Variants in POGZ observed in about 807,000 individuals in gnomAD.
POGZ encodes the protein pogo transposable element derived with ZNF domain, also known as pogo transposable element with ZNF domain.
Under a neutral mutation model 134.6 loss-of-function variants are expected in POGZ, and 17 were observed. That is an observed-to-expected ratio of 0.13 (90% CI 0.09 to 0.19). The LOEUF (loss-of-function observed/expected upper bound fraction) is 0.19. POGZ is among the 10% of genes least tolerant of loss of function. The probability of loss-of-function intolerance (pLI) is 1.00; values close to 1 mark genes in which losing one functional copy is unlikely to be tolerated. For synonymous variants in POGZ, 693 were observed against 657.1 expected, an observed-to-expected ratio of 1.05 and a Z score of -0.84; for missense variants, 1,306 against 1,769.7, an observed-to-expected ratio of 0.74 and a Z score of 4.70.
chr1:151,458,861 C>G (rs986772020), intron 1 of POGZ, among the ~76,000 whole-genome samples: 3 of 145,656 alleles, frequency 2.1e-5, no homozygotes, highest in African/African-American at 7.4e-5. Context: ...GGCCGGCCAG[C>G]CGGCAGGCAG....
intron 1 of POGZ, among the ~76,000 whole-genome samples, chr1:151,458,777 C>T (rs1440765346): frequency 1.4e-5 from 2 of 144,992 alleles, no homozygotes; most frequent in African/African-American, 2.5e-5. Flanking sequence ...TGCGTGTGGA[C>T]GTCGGGCTGT....
chr1:151,440,400 A>T (rs1660339928), intron 3 of POGZ, among the ~76,000 whole-genome samples: 1 of 152,130 alleles, frequency 6.6e-6, no homozygotes, highest in Non-Finnish European at 1.5e-5. Flanking sequence ...TTAGAAATTA[A>T]ATAGAAACCA....
chr1:151,422,117 T>G (rs1657015775), intron 10 of POGZ, among the ~76,000 whole-genome samples: 1 of 152,212 alleles, frequency 6.6e-6, no homozygotes, highest in Non-Finnish European at 1.5e-5. Context: ...AATATGCATA[T>G]GTCTTCTATG....
chr1:151,431,016 G>C (rs1658609354), intron 3 of POGZ, among the ~76,000 whole-genome samples, 175 bp from the exon 4 acceptor site: 1 of 151,848 alleles, frequency 6.6e-6, no homozygotes, highest in Admixed American at 6.6e-5. Flanking sequence ...GCTCACTGCA[G>C]CCTCAAGTTC....
At position 151,408,420 on chromosome 1, in the gene POGZ, A is replaced by G; in HGVS notation, c.2223T>C (p.Ala741=). 1 of 1,590,052 alleles carries G rather than the reference A, an allele frequency of 6.3e-7. No homozygotes were observed. The highest frequency in any genetic ancestry group is 8.5e-7 in the Non-Finnish European group (1 of 1,173,704). The change falls in exon 14 of 19, where the codon GCT becomes GCC. Residue 741 remains alanine, a synonymous_variant. Transcript: ENST00000271715. ...AAGAAGGCGCTGACATTTTCCTAAC[A>G]GCTCTCTTCTGGATGCTGCGCTGGA... ...PPVQRSIQKR[A]VRKMSVMGRQ...
In POGZ at chr1:151,408,598, G is replaced by T; in HGVS notation, c.2062-17C>A. On this transcript the variant is annotated splice_polypyrimidine_tract_variant and intron_variant, in intron 13 of 18. Transcript: ENST00000271715. ...GATTGTCACCTGAGAACCAAGGGAA[G>T]TAACAATGAGACATCACCCACACTA... 6.2e-7 allele frequency: 1 copy of T among 1,610,280 alleles called. No homozygotes were observed. Among genetic ancestry groups the T allele is most frequent in the African/African-American group, 1.3e-5 (1 of 74,636 alleles).
chr1:151,416,838 G>A (rs1053728538), intron 10 of POGZ, among the ~76,000 whole-genome samples: 1 of 151,878 alleles, frequency 6.6e-6, no homozygotes, highest in Non-Finnish European at 1.5e-5. Context: ...CACTATATTC[G>A]CCAGGCTGTT....
At position 151,404,999 on chromosome 1, in the gene POGZ, G is replaced by C; in HGVS notation, c.4036C>G (p.Gln1346Glu). ...INSPTRNADM[Q>E]EELIASLEEQ... ...TCTAGGGAGGCAATTAGCTCCTCCT[G>C]CATGTCAGCATTTCTTGTAGGTGAG... is the stretch of plus-strand genomic sequence containing the variant. Residue 1346 changes from glutamine to glutamate, a missense_variant, in exon 19 of 19, where the codon CAG (glutamine) becomes GAG (glutamate). Gln to Glu is a conservative substitution (Grantham distance 29). Around this residue, in one of 10 missense-constraint regions of POGZ, gnomAD observed 107 missense variants for 97.9 expected, o/e 1.09. Transcript: ENST00000271715. The C allele has an allele frequency of 6.2e-7, 1 of 1,614,158 alleles. No homozygotes were observed. The highest frequency in any genetic ancestry group is 8.5e-7 in the Non-Finnish European group (1 of 1,180,030).
Position 151,423,674 on chromosome 1 carries a change from T to G in POGZ, c.1524-123A>C, listed in dbSNP as rs1322397005. 5.1e-6 allele frequency: 4 copies of G among 783,938 alleles called. No homozygotes were observed. In the East Asian group the frequency reaches 1.1e-4, roughly 21 times the overall value. 48.6% of individuals were successfully genotyped at this position (783,938 alleles called of 1,614,324 possible). A position where few individuals can be genotyped will look rare whatever the true frequency, so the allele number is the denominator to read the frequency against. On this transcript the variant is annotated intron_variant, in intron 9 of 18. Transcript: ENST00000271715. The stretch of plus-strand genomic sequence containing the variant: ...CCCTCCATTCCCCAGACTTCCTGTT[T>G]GGGATATCCTTTTCTGAGCCCAGAA...
chr1:151,452,341 A>ATATT (rs780279947), intron 1 of POGZ, among the ~76,000 whole-genome samples: 6 of 151,882 alleles, frequency 4.0e-5, no homozygotes, highest in Non-Finnish European at 8.8e-5. Flanking sequence ...GGGTTAAGCA[A>ATATT]ATACATAGAT....
At chr1:151,446,254 G>GAAAA (rs142998370) in intron 1 of POGZ, among the ~76,000 whole-genome samples, 6 of 39,192 alleles carry the variant, frequency 1.5e-4, no homozygotes, top group African/African-American at 3.2e-4. Context: ...TTCTCATAAG[G>GAAAA]AAAAAAAAAA....
intron 8 of POGZ, among the ~76,000 whole-genome samples, 161 bp downstream of exon 8, chr1:151,424,794 T>C (rs1477229348): frequency 6.6e-6 from 1 of 152,194 alleles, no homozygotes; most frequent in Non-Finnish European, 1.5e-5. Flanking sequence ...ATGTATCCCA[T>C]CACATTCCAA....
intron 7 of POGZ, chr1:151,427,600 T>G (rs1657986371): frequency 2.0e-6 from 1 of 503,674 alleles, no homozygotes; most frequent in South Asian, 2.4e-5. Flanking sequence ...ATCAATCAAT[T>G]TCACTAATCT....
At chr1:151,413,160 C>T (rs1654977575) in intron 10 of POGZ, among the ~76,000 whole-genome samples, 1 of 141,718 alleles carries the variant, frequency 7.1e-6, no homozygotes. Context: ...CAGGCTGGAG[C>T]ATGATCATAG....
In POGZ at chr1:151,441,248, C is replaced by G. The variant is rs1660478561; in HGVS notation, c.125-162G>C. On this transcript the variant is annotated intron_variant, in intron 2 of 18. Coordinates refer to ENST00000271715, the MANE Select transcript of POGZ (RefSeq NM_015100.4). ...ATGTGATTTCTCCTCCTACTTAACCCTTAGTCCACCATTTAAACACAATCC... is the reference window on the plus strand; with the variant it reads ...ATGTGATTTCTCCTCCTACTTAACCGTTAGTCCACCATTTAAACACAATCC... Among the ~76,000 whole-genome samples the G allele has an allele frequency of 2.0e-5, 3 of 152,314 alleles. No homozygotes were observed. The South Asian group carries it at 6.2e-4, about 32-fold the overall frequency.
chr1:151,451,808 A>C (rs1399545648), intron 1 of POGZ, among the ~76,000 whole-genome samples: 1 of 151,668 alleles, frequency 6.6e-6, no homozygotes, highest in Non-Finnish European at 1.5e-5. Context: ...TAAAAATGTC[A>C]ATGTTCGGCT....
intron 16 of POGZ, 26 bp from the exon 17 acceptor site, chr1:151,407,049 A>G: frequency 6.4e-7 from 1 of 1,562,126 alleles, no homozygotes; most frequent in Non-Finnish European, 8.8e-7. Flanking sequence ...GAGACTATGT[A>G]AGACAAACAC....
intron 10 of POGZ, among the ~76,000 whole-genome samples, chr1:151,422,020 A>AT (rs1657003547): frequency 6.6e-6 from 1 of 152,214 alleles, no homozygotes; most frequent in African/African-American, 2.4e-5. Flanking sequence ...AAGTGCTGGG[A>AT]TTACAGGTGT....
In POGZ at chr1:151,408,254, A is replaced by T; in HGVS notation, c.2235-14T>A. 6.2e-7 allele frequency: 1 copy of T among 1,603,536 alleles called. No homozygotes were observed. The highest frequency in any genetic ancestry group is 8.5e-7 in the Non-Finnish European group (1 of 1,177,066). ...CCCATGACACTCCTGTGGGGGAAAA[A>T]AAAAAAGAATTCTCATTACTGCCTC... On this transcript the variant is annotated splice_polypyrimidine_tract_variant and intron_variant, in intron 14 of 18. Transcript: ENST00000271715.
Sources: allele counts gnomAD v4.1 joint callset (sites outside exome capture counted in the v4.1 genomes callset), GRCh38; gene constraint gnomAD v4.1.1; regional missense constraint gnomAD v4.1.1; transcripts MANE v1.5; gene names NCBI Gene and HGNC (gene_info 2026-07-23, HGNC 2026-07-21).